Variants in MYO16 observed in about 807,000 individuals in gnomAD.
MYO16 encodes myosin XVI.
In MYO16, 94 loss-of-function variants were observed where a neutral mutation model predicts 205.3. The ratio of observed to expected loss-of-function variants is 0.46; its 90% CI spans 0.39 to 0.54. The LOEUF (loss-of-function observed/expected upper bound fraction) is 0.54. MYO16 is among the 20% of genes least tolerant of loss of function. The pLI, the probability that MYO16 is intolerant of heterozygous loss-of-function variation, is 0.00. For synonymous variants in MYO16, 988 were observed against 954.0 expected (o/e 1.04, Z -0.66); for missense variants, 2,315 against 2,387.5 (o/e 0.97, Z 0.63).
chr13:108,718,227 T>G (rs1436030487), intron 3 of MYO16, among the ~76,000 whole-genome samples: 1 of 152,120 alleles, frequency 6.6e-6, no homozygotes, highest in Non-Finnish European at 1.5e-5. Context: ...TTTTTAAAAA[T>G]GTCTAGGTAT....
chr13:108,529,458 G>C, the MYO16 span, among the ~76,000 whole-genome samples: 1 of 152,054 alleles, frequency 6.6e-6, no homozygotes, highest in African/African-American at 2.4e-5. Flanking sequence ...AGGTCTTCCA[G>C]TGTTTTGGAT....
At position 109,127,689 on chromosome 13, in the gene MYO16, C is replaced by G; in HGVS notation, c.4051+139C>G. ...TCCAATTGTTGGCTTGCCAGCAGCT[C>G]TTAATCATTAAATATAAATAATATT... On this transcript the variant is annotated intron_variant, in intron 31 of 34. Transcript: ENST00000457511. This position sits in a 1 kb window ranked among gnomAD's most constrained non-coding sequence, Gnocchi z 4.2. 1.3e-6 allele frequency: 1 copy of G among 798,444 alleles called. No individual in the cohort carries two copies. Among genetic ancestry groups the G allele is most frequent in the South Asian group, 2.0e-5 (1 of 49,410 alleles). 49.5% of individuals were successfully genotyped at this position (798,444 alleles called of 1,614,324 possible). A position where few individuals can be genotyped will look rare whatever the true frequency, so the allele number is the denominator to read the frequency against.
intron 21 of MYO16, among the ~76,000 whole-genome samples, chr13:108,994,614 G>A (rs1011868415): frequency 6.6e-6 from 1 of 152,072 alleles, no homozygotes; most frequent in Non-Finnish European, 1.5e-5. Flanking sequence ...ACAAATCAAT[G>A]CTGTATTCAG....
intron 1 of MYO16, among the ~76,000 whole-genome samples, chr13:108,636,625 G>C (rs9587639): frequency 6.6e-6 from 1 of 151,976 alleles, no homozygotes; most frequent in Non-Finnish European, 1.5e-5. Context: ...TGATCTGCCC[G>C]CCTTGGCCTC....
intron 20 of MYO16, among the ~76,000 whole-genome samples, chr13:108,979,864 T>TAAATTATC (rs1439961983): frequency 2.6e-5 from 4 of 152,178 alleles, no homozygotes; most frequent in Non-Finnish European, 5.9e-5. Flanking sequence ...AAAATAACTT[T>TAAATTATC]AAATTATCAG....
chr13:108,736,861 C>T (rs922187737), intron 4 of MYO16, among the ~76,000 whole-genome samples: 1 of 152,186 alleles, frequency 6.6e-6, no homozygotes, highest in Non-Finnish European at 1.5e-5. Context: ...CTTCACATCC[C>T]TTGTAAGTTG....
At chr13:109,157,914 C>T (rs145087524) in intron 32 of MYO16, among the ~76,000 whole-genome samples, 5 of 152,160 alleles carry the variant, frequency 3.3e-5, no homozygotes, top group Non-Finnish European at 7.3e-5. Flanking sequence ...TGCCGTGCTC[C>T]ATAACCCCTC....
At chr13:108,841,470 A>G (rs539524596) in intron 9 of MYO16, among the ~76,000 whole-genome samples, 2 of 152,314 alleles carry the variant, frequency 1.3e-5, no homozygotes, top group East Asian at 3.9e-4. Flanking sequence ...CCTAGAGTAA[A>G]ACCCAGGAGA....
At chr13:108,722,095 C>T (rs1433002642) in intron 3 of MYO16, among the ~76,000 whole-genome samples, 2 of 152,148 alleles carry the variant, frequency 1.3e-5, no homozygotes, top group Non-Finnish European at 2.9e-5. Context: ...CACTGGGTCC[C>T]ACCTTAACTA....
At chr13:108,932,601 G>A (rs1247150736) in intron 16 of MYO16, among the ~76,000 whole-genome samples, 2 of 152,160 alleles carry the variant, frequency 1.3e-5, no homozygotes, top group African/African-American at 4.8e-5. Flanking sequence ...CCAAGAGAGG[G>A]CTGGCTGTGG....
At chr13:109,093,717 T>G (rs1270121911) in intron 27 of MYO16, among the ~76,000 whole-genome samples, 1 of 152,210 alleles carries the variant, frequency 6.6e-6, no homozygotes, top group South Asian at 2.1e-4. Flanking sequence ...TACCCAAATA[T>G]GTAGAGAGCC....
chr13:109,152,295 G>A (rs531518455), intron 32 of MYO16, among the ~76,000 whole-genome samples: 12 of 152,286 alleles, frequency 7.9e-5, no homozygotes, highest in Admixed American at 5.9e-4. Context: ...TTCGGAGATA[G>A]GAGCACACTC....
In MYO16 at chr13:108,793,511, C is replaced by A; in HGVS notation, c.617-5C>A. On this transcript the variant is annotated splice_polypyrimidine_tract_variant and splice_region_variant and intron_variant, in intron 5 of 34. Coordinates refer to ENST00000457511, the MANE Select transcript of MYO16 (RefSeq NM_001198950.3). ...TTCTGGTTGAAAGGCTCTTTCTCCC[C>A]ACAGGAGTGGATTTGACCTCACTGC... is the stretch of plus-strand genomic sequence containing the variant. 1 of 1,613,242 alleles carries A rather than the reference C, an allele frequency of 6.2e-7. No individual in the cohort carries two copies. Among genetic ancestry groups the A allele is most frequent in the Non-Finnish European group, 8.5e-7 (1 of 1,179,472 alleles).
chr13:108,560,261 A>G, the MYO16 span, among the ~76,000 whole-genome samples: 3 of 152,214 alleles, frequency 2.0e-5, no homozygotes, highest in Admixed American at 6.5e-5. Context: ...CTTGAGCAGC[A>G]GAGCTTCGCT....
intron 34 of MYO16, among the ~76,000 whole-genome samples, chr13:109,184,495 AT>A (rs1417335929): frequency 6.6e-6 from 1 of 152,224 alleles, no homozygotes; most frequent in African/African-American, 2.4e-5. Context: ...GTGTATATAA[AT>A]GCACAGTTTT....
intron 33 of MYO16, among the ~76,000 whole-genome samples, chr13:109,173,945 G>T: frequency 1.0e-5 from 1 of 95,602 alleles, no homozygotes; most frequent in Non-Finnish European, 2.0e-5. Flanking sequence ...TCCTTGTTTT[G>T]ATGGGGGGGG....
chr13:109,197,871 A>C (rs1366083193), intron 34 of MYO16, among the ~76,000 whole-genome samples: 1 of 152,212 alleles, frequency 6.6e-6, no homozygotes, highest in Non-Finnish European at 1.5e-5. Context: ...GATGTTAGGC[A>C]TGAGATTTTG....
the MYO16 span, among the ~76,000 whole-genome samples, chr13:108,566,852 T>C: frequency 6.6e-6 from 1 of 151,956 alleles, no homozygotes; most frequent in African/African-American, 2.4e-5. Context: ...CAAGGAAAAA[T>C]AAACTTCCAA....
intron 7 of MYO16, among the ~76,000 whole-genome samples, chr13:108,811,044 T>C (rs1053268967): frequency 2.6e-5 from 4 of 152,190 alleles, no homozygotes; most frequent in African/African-American, 9.6e-5. Flanking sequence ...TAAAATTTCA[T>C]TCTAGTCTTG....
Sources: gnomAD v4.1 joint callset for allele counts (sites outside exome capture counted in the v4.1 genomes callset) on GRCh38, gnomAD v4.1.1 for gene constraint, Gnocchi (gnomAD v3.1) non-coding constraint, MANE v1.5 for transcripts, NCBI Gene and HGNC (gene_info 2026-07-23, HGNC 2026-07-21) for gene names.